The following AKAP19 variants were observed in gnomAD, a reference collection of about 807,000 sequenced individuals.
AKAP19 encodes the protein A-kinase anchoring protein 19.
At chr2:189,959,008 A>G in the AKAP19 span, among the ~76,000 whole-genome samples, 5,216 of 152,194 alleles carry the variant, frequency 0.034, 283 homozygotes, top group African/African-American at 0.11. Context: ...GTGACCGCTA[A>G]GGGACAGAGG....
At chr2:190,058,681 A>T in the AKAP19 span, among the ~76,000 whole-genome samples, 1 of 152,020 alleles carries the variant, frequency 6.6e-6, no homozygotes. Context: ...ACCATAAAAA[A>T]GAGTAAAGGA....
chr2:190,190,727 A>G, the AKAP19 span, among the ~76,000 whole-genome samples: 1 of 152,190 alleles, frequency 6.6e-6, no homozygotes, highest in African/African-American at 2.4e-5. Context: ...TTTAAATTTT[A>G]GCAATCTTAG....
the AKAP19 span, among the ~76,000 whole-genome samples, chr2:189,943,849 C>T: frequency 6.6e-6 from 1 of 152,220 alleles, no homozygotes; most frequent in Non-Finnish European, 1.5e-5. Flanking sequence ...TATGAACTTC[C>T]GTGGAGCCTG....
chr2:189,905,017 T>C, the AKAP19 span, among the ~76,000 whole-genome samples: 1 of 152,002 alleles, frequency 6.6e-6, no homozygotes, highest in Non-Finnish European at 1.5e-5. Context: ...CAGAGAAACA[T>C]GGGGTTAAAT....
At chr2:190,041,830 A>T in the AKAP19 span, among the ~76,000 whole-genome samples, 28 of 152,158 alleles carry the variant, frequency 1.8e-4, no homozygotes, top group Admixed American at 5.2e-4. Context: ...GTTGATTTGC[A>T]TACATTAAAC....
At chr2:190,072,444 A>G in the AKAP19 span, among the ~76,000 whole-genome samples, 1 of 152,200 alleles carries the variant, frequency 6.6e-6, no homozygotes, top group East Asian at 1.9e-4. Context: ...GTAGTAGCAG[A>G]CTTTAATTCA....
At chr2:189,946,751 G>A in the AKAP19 span, among the ~76,000 whole-genome samples, 1 of 152,050 alleles carries the variant, frequency 6.6e-6, no homozygotes. Context: ...TAAAACAAAT[G>A]TTTTTATACT....
chr2:189,949,657 A>G, the AKAP19 span, among the ~76,000 whole-genome samples: 2 of 120,544 alleles, frequency 1.7e-5, no homozygotes, highest in Middle Eastern at 6.9e-3. Flanking sequence ...TTTTTTAGAG[A>G]TGAGTCTCAC....
At chr2:189,928,882 A>G in the AKAP19 span, among the ~76,000 whole-genome samples, 9 of 152,176 alleles carry the variant, frequency 5.9e-5, no homozygotes, top group African/African-American at 2.2e-4. Context: ...TTCCTAATGA[A>G]TGATTTTTCT....
chr2:190,113,877 G>A, the AKAP19 span, among the ~76,000 whole-genome samples: 1 of 152,150 alleles, frequency 6.6e-6, no homozygotes, highest in Non-Finnish European at 1.5e-5. Flanking sequence ...TAATCTGCCT[G>A]CATACAAGAC....
At chr2:190,188,480 A>G in the AKAP19 span, among the ~76,000 whole-genome samples, 5 of 152,366 alleles carry the variant, frequency 3.3e-5, no homozygotes, top group South Asian at 4.1e-4. Flanking sequence ...TGACAAATGA[A>G]TAACAGACTA....
the AKAP19 span, among the ~76,000 whole-genome samples, chr2:189,969,180 AG>A: frequency 6.6e-6 from 1 of 152,096 alleles, no homozygotes; most frequent in Non-Finnish European, 1.5e-5. Context: ...TGTCAGCCCA[AG>A]GTGATAGTAT....
At chr2:190,034,338 A>C in the AKAP19 span, among the ~76,000 whole-genome samples, 1 of 151,678 alleles carries the variant, frequency 6.6e-6, no homozygotes, top group Non-Finnish European at 1.5e-5. Flanking sequence ...AATCCTGACC[A>C]TAATTTTTTT....
the AKAP19 span, among the ~76,000 whole-genome samples, chr2:189,998,689 C>A: frequency 1.3e-5 from 2 of 150,824 alleles, no homozygotes; most frequent in Admixed American, 1.3e-4. Context: ...TTCCAAAAAC[C>A]AATTTTTTAC....
At chr2:189,985,809 G>A in the AKAP19 span, among the ~76,000 whole-genome samples, 2 of 152,150 alleles carry the variant, frequency 1.3e-5, no homozygotes, top group Admixed American at 6.5e-5. Context: ...AAGCTGCTAA[G>A]CTTGTGGTAA....
the AKAP19 span, among the ~76,000 whole-genome samples, chr2:189,929,198 C>T: frequency 6.6e-6 from 1 of 152,160 alleles, no homozygotes; most frequent in South Asian, 2.1e-4. Context: ...AGATACCTTT[C>T]CAAGAAACAG....
the AKAP19 span, among the ~76,000 whole-genome samples, chr2:189,946,547 CA>C: frequency 6.6e-6 from 1 of 151,666 alleles, no homozygotes; most frequent in Non-Finnish European, 1.5e-5. Context: ...ATTGTAGTAC[CA>C]AAAAAAGAAA....
the AKAP19 span, among the ~76,000 whole-genome samples, chr2:189,978,426 G>C: frequency 6.6e-6 from 1 of 152,096 alleles, no homozygotes; most frequent in Admixed American, 6.6e-5. Flanking sequence ...TTCAAGACCA[G>C]CCTGGCCAAC....
the AKAP19 span, among the ~76,000 whole-genome samples, chr2:189,885,224 C>T: frequency 6.6e-6 from 1 of 152,136 alleles, no homozygotes. Flanking sequence ...AGACGTGATG[C>T]CATACAACTT....
Sources: allele counts gnomAD v4.1 joint callset (sites outside exome capture counted in the v4.1 genomes callset), GRCh38; gene constraint gnomAD v4.1.1; transcripts MANE v1.5; gene names NCBI Gene and HGNC (gene_info 2026-07-23, HGNC 2026-07-21).